The following ROBO1 variants were observed in gnomAD, a reference collection of about 807,000 sequenced individuals.
The protein encoded by ROBO1 is roundabout homolog 1.
In ROBO1, 149 loss-of-function variants were observed where a neutral mutation model predicts 195.9. The observed-to-expected ratio is 0.76, with a 90% CI of 0.67 to 0.87. ROBO1 has a LOEUF of 0.87. ROBO1 is among the 40% of genes least tolerant of loss of function. The pLI is 0.00. For synonymous variants in ROBO1, 816 were observed against 733.2 expected (o/e 1.11, Z -1.82); for missense variants, 1,933 against 2,068.3 (o/e 0.93, Z 1.27).
At chr3:79,693,094 T>G (rs887766333) in intron 1 of ROBO1, among the ~76,000 whole-genome samples, 3 of 151,742 alleles carry the variant, frequency 2.0e-5, no homozygotes, top group African/African-American at 4.8e-5. Context: ...ATGTTCTGCT[T>G]GTGTATGGTA....
intron 1 of ROBO1, among the ~76,000 whole-genome samples, chr3:79,690,651 T>G (rs1332320704): frequency 2.0e-5 from 3 of 152,034 alleles, no homozygotes; most frequent in Non-Finnish European, 4.4e-5. Flanking sequence ...AATAAACTTT[T>G]TCCATTAGTC....
chr3:79,761,086 A>G (rs1255852466), intron 1 of ROBO1, among the ~76,000 whole-genome samples: 2 of 148,276 alleles, frequency 1.3e-5, no homozygotes, highest in Admixed American at 6.8e-5. Flanking sequence ...TATGAAATAT[A>G]TGTACTATAT....
chr3:79,170,680 G>A (rs2081149874), intron 2 of ROBO1, among the ~76,000 whole-genome samples: 1 of 151,984 alleles, frequency 6.6e-6, no homozygotes, highest in Non-Finnish European at 1.5e-5. Flanking sequence ...GGTTACAGAT[G>A]TTATTATTAC....
intron 2 of ROBO1, among the ~76,000 whole-genome samples, chr3:79,307,733 C>T (rs767636037): frequency 6.6e-6 from 1 of 151,954 alleles, no homozygotes; most frequent in South Asian, 2.1e-4. Flanking sequence ...AGATAGCACA[C>T]AGTAGAAATA....
intron 2 of ROBO1, among the ~76,000 whole-genome samples, chr3:79,268,161 A>T (rs1334158257): frequency 6.6e-6 from 1 of 151,624 alleles, no homozygotes; most frequent in African/African-American, 2.4e-5. Context: ...GAGTTCTGAA[A>T]CAAATGTCAT....
intron 2 of ROBO1, among the ~76,000 whole-genome samples, chr3:79,514,166 C>T (rs1940843667): frequency 6.6e-6 from 1 of 152,130 alleles, no homozygotes; most frequent in South Asian, 2.1e-4. Flanking sequence ...AGGAATAAGG[C>T]AGGTTGAAGC....
chr3:78,770,808 G>T (rs1670337083), intron 4 of ROBO1, among the ~76,000 whole-genome samples: 1 of 152,148 alleles, frequency 6.6e-6, no homozygotes, highest in African/African-American at 2.4e-5. Context: ...GCTGATACCT[G>T]TGATTCCACC....
Position 78,938,921 on chromosome 3 carries a change from C to T in ROBO1, c.179G>A (p.Arg60His), listed in dbSNP as rs373869613. ...DDNSLGYTGS[R>H]LRQEDFPPRI... ...AGGTGGAAAATCTTCCTGACGAAGACGGGAGCCTGCAGAAGAATTCACAAA... is the reference window on the plus strand; with the variant it reads ...AGGTGGAAAATCTTCCTGACGAAGATGGGAGCCTGCAGAAGAATTCACAAA... The change falls in exon 4 of 31, where the codon CGT becomes CAT. Residue 60 changes from arginine to histidine, a missense_variant. This residue lies in a region of ROBO1 where 185 missense variants were observed against 159.5 expected (regional missense o/e 1.16). Coordinates refer to ENST00000464233, the MANE Select transcript of ROBO1 (RefSeq NM_002941.4). The T allele has an allele frequency of 7.5e-6, 12 of 1,603,962 alleles. No individual in the cohort carries two copies. The highest frequency in any genetic ancestry group is 2.2e-5 in the East Asian group (1 of 44,766).
chr3:79,740,226 T>A (rs561792627), intron 1 of ROBO1, among the ~76,000 whole-genome samples: 25 of 65,820 alleles, frequency 3.8e-4, no homozygotes, highest in African/African-American at 1.3e-3. Context: ...TATATATAAA[T>A]TTATATATAA....
intron 2 of ROBO1, among the ~76,000 whole-genome samples, chr3:79,303,514 T>C (rs2033077585): frequency 6.6e-6 from 1 of 152,084 alleles, no homozygotes; most frequent in Non-Finnish European, 1.5e-5. Context: ...TATCTCAGCA[T>C]TTTTCAAGAA....
chr3:78,873,995 C>T lies in ROBO1; in HGVS notation c.499+64606G>A, dbSNP rs80021362. On this transcript the variant is annotated intron_variant, in intron 4 of 30. Transcript: ENST00000464233. ...ACCCATACTCCATTTATCACATACC[C>T]CCTTGGAAATTTAAAGAGAGGATTT... 1.3e-3 allele frequency among the ~76,000 whole-genome samples: 193 copies of T among 151,932 alleles called. 2 individuals are homozygous for T. The East Asian group carries it at 0.034, about 26-fold the overall frequency.
chr3:78,799,280 A>C (rs1286432878), intron 4 of ROBO1, among the ~76,000 whole-genome samples: 1 of 151,748 alleles, frequency 6.6e-6, no homozygotes, highest in African/African-American at 2.4e-5. Flanking sequence ...TTTTATATTC[A>C]AGCTTATGTC....
chr3:78,913,747 G>T (rs756632935), intron 4 of ROBO1, among the ~76,000 whole-genome samples: 2 of 152,044 alleles, frequency 1.3e-5, no homozygotes, highest in Non-Finnish European at 2.9e-5. Flanking sequence ...AGAATAAAGA[G>T]AAGCAAGTAG....
At position 78,667,965 on chromosome 3, in the gene ROBO1, T is replaced by G. The variant is rs1707831927; in HGVS notation, c.1884A>C (p.Ala628=). ...TSAIKGLKPN[A]IYLFLVRAAN... ...CTGCCCTCACAAGGAAAAGGTAAAT[T>G]GCATTAGGTTTGAGTCCTTTAATGG... Residue 628 remains alanine (A), a synonymous_variant, in exon 14 of 31, where the codon GCA becomes GCC. Coordinates refer to ENST00000464233, the MANE Select transcript of ROBO1 (RefSeq NM_002941.4). 6.2e-7 allele frequency: 1 copy of G among 1,613,816 alleles called. No homozygotes were observed. Among genetic ancestry groups the G allele is most frequent in the East Asian group, 2.2e-5 (1 of 44,880 alleles).
intron 1 of ROBO1, among the ~76,000 whole-genome samples, chr3:79,671,717 A>C (rs1946637079): frequency 6.6e-6 from 1 of 151,908 alleles, no homozygotes; most frequent in South Asian, 2.1e-4. Context: ...AACATATTGA[A>C]ATTTATTGTA....
chr3:78,962,030 AAGAAC>A (rs1204053456), intron 3 of ROBO1, among the ~76,000 whole-genome samples: 2 of 152,102 alleles, frequency 1.3e-5, no homozygotes, highest in Non-Finnish European at 2.9e-5. Context: ...AAGCTGGAAA[AAGAAC>A]AGATAAATTC....
At chr3:78,688,257 C>T (rs1179756741) in intron 9 of ROBO1, among the ~76,000 whole-genome samples, 1 of 152,130 alleles carries the variant, frequency 6.6e-6, no homozygotes, top group African/African-American at 2.4e-5. Flanking sequence ...CTGAAGCTTT[C>T]AAAGAAATCA....
At chr3:79,033,743 G>T (rs1326307017) in intron 3 of ROBO1, among the ~76,000 whole-genome samples, 1 of 152,044 alleles carries the variant, frequency 6.6e-6, no homozygotes. Context: ...ATCTTGACTG[G>T]TATTCTGAAT....
chr3:78,783,952 G>T (rs333496), intron 4 of ROBO1, among the ~76,000 whole-genome samples: 1 of 152,118 alleles, frequency 6.6e-6, no homozygotes, highest in Non-Finnish European at 1.5e-5. Context: ...AAACATTATT[G>T]TGGCTCTATG....
Sources: allele counts gnomAD v4.1 joint callset (sites outside exome capture counted in the v4.1 genomes callset), GRCh38; gene constraint gnomAD v4.1.1; regional missense constraint gnomAD v4.1.1; transcripts MANE v1.5; gene names NCBI Gene and HGNC (gene_info 2026-07-23, HGNC 2026-07-21).